The following MOCOS variants were observed in gnomAD, a reference collection of about 807,000 sequenced individuals.
The protein encoded by MOCOS is human molybdenum cofactor sulfurase.
MOCOS carries 86 observed loss-of-function variants against 83.6 expected under a neutral mutation model. That is an observed-to-expected ratio of 1.03 (90% CI 0.86 to 1.23). MOCOS has a LOEUF of 1.23. MOCOS is among the 50% of genes most tolerant of loss of function. The pLI is 0.00. For synonymous variants in MOCOS, 445 were observed against 434.7 expected (o/e 1.02, Z -0.29); for missense variants, 1,120 against 1,126.9 (o/e 0.99, Z 0.09).
At chr18:36,254,189 A>C (rs1194235274) in intron 11 of MOCOS, among the ~76,000 whole-genome samples, 1 of 152,140 alleles carries the variant, frequency 6.6e-6, no homozygotes, top group Non-Finnish European at 1.5e-5. Context: ...GTCTTGAAAC[A>C]GTTTTTTTGA....
intron 9 of MOCOS, among the ~76,000 whole-genome samples, chr18:36,244,789 T>C (rs2091596718): frequency 6.6e-6 from 1 of 152,300 alleles, no homozygotes; most frequent in South Asian, 2.1e-4. Flanking sequence ...GTTTTATAAA[T>C]TTGAGAACTC....
chr18:36,229,568 T>C (rs2091530291), intron 9 of MOCOS, among the ~76,000 whole-genome samples: 1 of 152,190 alleles, frequency 6.6e-6, no homozygotes, highest in Non-Finnish European at 1.5e-5. Context: ...TTTTCAGCCA[T>C]TCTTTCTTTG....
chr18:36,226,489 T>G (rs2091515980), intron 9 of MOCOS, among the ~76,000 whole-genome samples: 1 of 151,958 alleles, frequency 6.6e-6, no homozygotes, highest in Non-Finnish European at 1.5e-5. Flanking sequence ...TTTTTTTTTA[T>G]TCAGCCACTC....
chr18:36,195,036 G>A (rs2091381733), intron 1 of MOCOS, among the ~76,000 whole-genome samples: 1 of 152,204 alleles, frequency 6.6e-6, no homozygotes, highest in South Asian at 2.1e-4. Flanking sequence ...AGTGAAGAGA[G>A]CTGATTAATC....
intron 11 of MOCOS, among the ~76,000 whole-genome samples, chr18:36,253,458 G>A (rs1024048517): frequency 1.3e-5 from 2 of 152,050 alleles, no homozygotes; most frequent in Non-Finnish European, 2.9e-5. Context: ...ACGAGGTCAG[G>A]AGTTCAAGAC....
At chr18:36,194,065 T>C (rs1416353749) in intron 1 of MOCOS, among the ~76,000 whole-genome samples, 8 of 152,238 alleles carry the variant, frequency 5.3e-5, no homozygotes, top group Non-Finnish European at 1.0e-4. Context: ...ATGGTTCCTT[T>C]TACATGAAAT....
chr18:36,189,714 G>T (rs984689211), intron 1 of MOCOS: 3 of 152,224 alleles, frequency 2.0e-5, no homozygotes, highest in African/African-American at 7.2e-5. Flanking sequence ...CACTCACCAT[G>T]CTGGAAAGAG....
rs573780264 is a variant in MOCOS at position 36,243,371 on chromosome 18, A to T, written c.1961-5551A>T. On this transcript the variant is annotated intron_variant, in intron 9 of 14. Coordinates refer to ENST00000261326, the MANE Select transcript of MOCOS (RefSeq NM_017947.4). ...TTTTTCTGCATCTATTGAGATAATC[A>T]CATGATTTTTGTTTTTACTCCTGTT... 2.2e-4 allele frequency among the ~76,000 whole-genome samples: 33 copies of T among 152,262 alleles called. No individual in the cohort carries two copies. In the South Asian group the frequency reaches 6.8e-3, roughly 32 times the overall value.
At chr18:36,262,916 C>A (rs28562773) in intron 13 of MOCOS, among the ~76,000 whole-genome samples, 11 of 152,054 alleles carry the variant, frequency 7.2e-5, no homozygotes, top group Non-Finnish European at 1.6e-4. Flanking sequence ...TGAGACCAGC[C>A]TAGGCAAAAC....
rs532572606 is a variant in MOCOS, at chr18:36,215,574, T to C, written c.1394T>C (p.Val465Ala). The change falls in exon 8 of 15, where the codon GTG becomes GCG. Residue 465 changes from valine (V) to alanine (A), a missense_variant. Coordinates refer to ENST00000261326, the MANE Select transcript of MOCOS (RefSeq NM_017947.4). ...ATAGATGGGCAGCCCACAGGATCTG[T>C]GAGGATTTCATTTGGATACATGTCG... ...DLIDGQPTGSVRISFGYMSTL... is the reference protein window; with the variant it reads ...DLIDGQPTGSARISFGYMSTL... 3.7e-6 allele frequency: 6 copies of C among 1,614,104 alleles called. No individual in the cohort carries two copies. The East Asian group carries it at 1.1e-4, about 30-fold the overall frequency.
intron 9 of MOCOS, among the ~76,000 whole-genome samples, chr18:36,247,454 C>T (rs2091606420): frequency 6.6e-6 from 1 of 152,172 alleles, no homozygotes; most frequent in Non-Finnish European, 1.5e-5. Context: ...TAGGAGCTTC[C>T]TTCACCCTGT....
intron 9 of MOCOS, among the ~76,000 whole-genome samples, chr18:36,243,578 T>TA (rs1469925525): frequency 1.3e-5 from 2 of 152,170 alleles, no homozygotes; most frequent in African/African-American, 4.8e-5. Context: ...GTTTTCTTTT[T>TA]TTGTTGTTAT....
At chr18:36,200,454 A>G in intron 4 of MOCOS, 130 bp downstream of exon 4, 3 of 1,185,526 alleles carry the variant, frequency 2.5e-6, no homozygotes, top group Non-Finnish European at 3.5e-6. Flanking sequence ...TGGCAGGGAC[A>G]GGCTGATGGC....
At position 36,241,231 on chromosome 18, in the gene MOCOS, C is replaced by T. The variant is rs533631144; in HGVS notation, c.1961-7691C>T. ...CCACAGTCCAAAGTCTCATCTGAGA[C>T]AAGGCAAGTCCCTTCCACCTAGGAG... On this transcript the variant is annotated intron_variant, in intron 9 of 14. Transcript: ENST00000261326. Among the ~76,000 whole-genome samples the T allele has an allele frequency of 9.2e-5, 14 of 152,276 alleles. No individual in the cohort carries two copies. The South Asian group carries it at 2.7e-3, about 29-fold the overall frequency.
chr18:36,265,735 G>A (rs1039494191), intron 13 of MOCOS, among the ~76,000 whole-genome samples: 2 of 64,720 alleles, frequency 3.1e-5, no homozygotes, highest in Admixed American at 2.0e-4. Context: ...GCGTGGGTAC[G>A]TATGGATATA....
At position 36,268,747 on chromosome 18, in the gene MOCOS, A is replaced by G. The variant is rs1786341228; in HGVS notation, c.*62A>G. ...ATCTCTATTATTGTTAAGATCTGCA[A>G]CTTGGTTCAGTAGAACTTGATGTTT... is the stretch of plus-strand genomic sequence containing the variant. On this transcript the variant is annotated 3_prime_UTR_variant, in exon 15 of 15. Coordinates refer to ENST00000261326, the MANE Select transcript of MOCOS (RefSeq NM_017947.4). 1.4e-6 allele frequency: 2 copies of G among 1,401,434 alleles called. No homozygotes were observed. Among genetic ancestry groups the G allele is most frequent in the Middle Eastern group, 1.8e-4 (1 of 5,422 alleles). 86.8% of individuals were successfully genotyped at this position (1,401,434 alleles called of 1,614,324 possible).
At chr18:36,263,164 C>G (rs149850072) in intron 13 of MOCOS, among the ~76,000 whole-genome samples, 1 of 152,152 alleles carries the variant, frequency 6.6e-6, no homozygotes, top group Non-Finnish European at 1.5e-5. Context: ...AGTGCCGAAG[C>G]AATTACTGTG....
At chr18:36,257,810 G>C (rs1288148777) in intron 12 of MOCOS, among the ~76,000 whole-genome samples, 4 of 152,176 alleles carry the variant, frequency 2.6e-5, no homozygotes, top group African/African-American at 9.7e-5. Flanking sequence ...ACTGTGAACT[G>C]GGGGTCCTGT....
At chr18:36,233,598 T>C (rs1346759331) in intron 9 of MOCOS, among the ~76,000 whole-genome samples, 5 of 152,216 alleles carry the variant, frequency 3.3e-5, no homozygotes, top group Non-Finnish European at 7.4e-5. Context: ...TTTTAGTTCT[T>C]TAAGGAAACT....
Sources: gnomAD v4.1 joint callset for allele counts (sites outside exome capture counted in the v4.1 genomes callset) on GRCh38, gnomAD v4.1.1 for gene constraint, MANE v1.5 for transcripts, NCBI Gene and HGNC (gene_info 2026-07-23, HGNC 2026-07-21) for gene names.